Variants in RPS6KC1 observed in about 807,000 individuals in gnomAD.
RPS6KC1 encodes inactive ribosomal protein S6 kinase delta-1.
In RPS6KC1, 54 loss-of-function variants were observed where a neutral mutation model predicts 103.8. That is an observed-to-expected ratio of 0.52 (90% CI 0.42 to 0.65). RPS6KC1 has a LOEUF of 0.65. Among genes scored for constraint, RPS6KC1 ranks in the 30% least tolerant of loss-of-function variants. The pLI is 0.00. For missense variants in RPS6KC1, 1,151 were observed against 1,253.8 expected, an observed-to-expected ratio of 0.92 and a Z score of 1.24; for synonymous variants, 439 against 438.7, an observed-to-expected ratio of 1.00 and a Z score of -0.01.
At chr1:213,255,578 A>G (rs180892736) in intron 12 of RPS6KC1, among the ~76,000 whole-genome samples, 1 of 152,296 alleles carries the variant, frequency 6.6e-6, no homozygotes, top group East Asian at 1.9e-4. Context: ...TTTTTTATAT[A>G]GAGTTTGCAA....
chr1:213,495,302 T>C, the RPS6KC1 span, among the ~76,000 whole-genome samples: 1 of 152,130 alleles, frequency 6.6e-6, no homozygotes, highest in African/African-American at 2.4e-5. Context: ...TGTGCTCTTC[T>C]AATATGCACC....
the RPS6KC1 span, among the ~76,000 whole-genome samples, chr1:213,631,971 T>G: frequency 6.6e-6 from 1 of 152,184 alleles, no homozygotes. Context: ...TGTAGTGTTG[T>G]CCTTTTGAGA....
chr1:213,634,861 T>C, the RPS6KC1 span, among the ~76,000 whole-genome samples: 1 of 150,348 alleles, frequency 6.7e-6, no homozygotes, highest in South Asian at 2.1e-4. Flanking sequence ...ATCAACAAAA[T>C]TGATAGGCCC....
At chr1:213,371,370 C>G in the RPS6KC1 span, among the ~76,000 whole-genome samples, 1 of 152,318 alleles carries the variant, frequency 6.6e-6, no homozygotes, top group Admixed American at 6.5e-5. Flanking sequence ...GACTTTTTGG[C>G]AGCTTCCATC....
the RPS6KC1 span, among the ~76,000 whole-genome samples, chr1:213,495,017 A>C: frequency 6.6e-6 from 1 of 152,214 alleles, no homozygotes; most frequent in Non-Finnish European, 1.5e-5. Flanking sequence ...AGGATTTTGA[A>C]GGGGAATAGT....
intron 14 of RPS6KC1, among the ~76,000 whole-genome samples, chr1:213,269,343 T>A (rs1241497728): frequency 6.6e-6 from 1 of 152,256 alleles, no homozygotes; most frequent in South Asian, 2.1e-4. Flanking sequence ...ATAGACAATT[T>A]AGTAATAGTA....
chr1:213,331,764 G>A, the RPS6KC1 span, among the ~76,000 whole-genome samples: 1 of 152,172 alleles, frequency 6.6e-6, no homozygotes, highest in Non-Finnish European at 1.5e-5. Flanking sequence ...GGGTCCTTTT[G>A]TGTGGGCCAG....
chr1:213,211,007 C>T (rs2093489079), intron 8 of RPS6KC1, among the ~76,000 whole-genome samples: 1 of 152,166 alleles, frequency 6.6e-6, no homozygotes, highest in Non-Finnish European at 1.5e-5. Context: ...TTATAGAGCA[C>T]ATCTAGCAGC....
At chr1:213,766,033 G>T in the RPS6KC1 span, among the ~76,000 whole-genome samples, 3 of 152,096 alleles carry the variant, frequency 2.0e-5, no homozygotes, top group East Asian at 5.8e-4. Context: ...AAGCTTGGGG[G>T]AAGTATTTTG....
At chr1:213,106,964 A>G (rs1291138722) in intron 4 of RPS6KC1, among the ~76,000 whole-genome samples, 3 of 151,910 alleles carry the variant, frequency 2.0e-5, no homozygotes, top group African/African-American at 7.3e-5. Context: ...TTTCTGAGAC[A>G]GAATCTCACT....
chr1:213,592,024 C>T, the RPS6KC1 span, among the ~76,000 whole-genome samples: 1 of 152,140 alleles, frequency 6.6e-6, no homozygotes, highest in Non-Finnish European at 1.5e-5. Context: ...GGTTTGTCTG[C>T]AGGAAATATT....
chr1:213,469,855 A>G, the RPS6KC1 span, among the ~76,000 whole-genome samples: 2 of 152,182 alleles, frequency 1.3e-5, no homozygotes, highest in African/African-American at 4.8e-5. Flanking sequence ...CATCTCTACG[A>G]AAAAGCATTT....
At chr1:213,542,940 T>G in the RPS6KC1 span, among the ~76,000 whole-genome samples, 1 of 152,080 alleles carries the variant, frequency 6.6e-6, no homozygotes, top group African/African-American at 2.4e-5. Context: ...TATGCTACAG[T>G]GGGACAGGAG....
the RPS6KC1 span, among the ~76,000 whole-genome samples, chr1:213,857,509 C>T: frequency 2.0e-5 from 3 of 152,324 alleles, no homozygotes; most frequent in Non-Finnish European, 4.4e-5. Flanking sequence ...CACCAGGACT[C>T]CTCAAGGCAT....
the RPS6KC1 span, among the ~76,000 whole-genome samples, chr1:213,706,870 ACATGAACT>A: frequency 6.6e-6 from 1 of 152,158 alleles, no homozygotes; most frequent in Admixed American, 6.5e-5. Flanking sequence ...CCTGCAAAGG[ACATGAACT>A]CATCCTTTTT....
the RPS6KC1 span, among the ~76,000 whole-genome samples, chr1:213,622,738 C>CT: frequency 5.9e-5 from 9 of 152,282 alleles, no homozygotes; most frequent in East Asian, 1.7e-3. Flanking sequence ...GAAATCACCT[C>CT]TGGTCACCCC....
the RPS6KC1 span, among the ~76,000 whole-genome samples, chr1:213,755,808 C>T: frequency 6.6e-6 from 1 of 152,206 alleles, no homozygotes; most frequent in Non-Finnish European, 1.5e-5. Flanking sequence ...TGTACCACCC[C>T]AAAGACAGAA....
intron 5 of RPS6KC1, among the ~76,000 whole-genome samples, chr1:213,121,074 G>A (rs1212633142): frequency 1.3e-5 from 2 of 152,056 alleles, no homozygotes; most frequent in African/African-American, 4.8e-5. Context: ...ACTACAGGCA[G>A]GCACAACCAT....
At chr1:213,641,051 G>T in the RPS6KC1 span, among the ~76,000 whole-genome samples, 1 of 151,394 alleles carries the variant, frequency 6.6e-6, no homozygotes, top group Non-Finnish European at 1.5e-5. Context: ...ATGTCTTTTT[G>T]GTGAATTGAC....
Sources: allele counts gnomAD v4.1 joint callset (sites outside exome capture counted in the v4.1 genomes callset), GRCh38; gene constraint gnomAD v4.1.1; transcripts MANE v1.5; gene names NCBI Gene and HGNC (gene_info 2026-07-23, HGNC 2026-07-21).